Variants in FHOD3 observed in about 807,000 individuals in gnomAD.
The protein encoded by FHOD3 is formin homology 2 domain containing 3, also known as FH1/FH2 domain-containing protein 3.
Under a neutral mutation model 173.0 loss-of-function variants are expected in FHOD3, and 90 were observed. The observed-to-expected ratio is 0.52, with a 90% confidence interval of 0.44 to 0.62. FHOD3 has a LOEUF of 0.62. Among genes scored for constraint, FHOD3 ranks in the 20% least tolerant of loss-of-function variants. FHOD3 has a pLI of 0.00. For missense variants in FHOD3, 1,945 were observed against 2,034.7 expected, an observed-to-expected ratio of 0.96 and a Z score of 0.85; for synonymous variants, 828 against 823.0, an observed-to-expected ratio of 1.01 and a Z score of -0.10.
At chr18:36,394,742 G>A (rs2048469633) in intron 3 of FHOD3, among the ~76,000 whole-genome samples, 1 of 152,150 alleles carries the variant, frequency 6.6e-6, no homozygotes, top group African/African-American at 2.4e-5. Context: ...TCTCTAGGAA[G>A]CCCAGTTTGT....
chr18:36,659,545 G>A (rs2036639306), intron 14 of FHOD3, among the ~76,000 whole-genome samples: 1 of 152,186 alleles, frequency 6.6e-6, no homozygotes, highest in Admixed American at 6.5e-5. Flanking sequence ...ATACGACGTT[G>A]CACATCTTGC....
At chr18:36,702,788 G>A (rs2039658643) in intron 17 of FHOD3, among the ~76,000 whole-genome samples, 1 of 152,242 alleles carries the variant, frequency 6.6e-6, no homozygotes, top group Non-Finnish European at 1.5e-5. Flanking sequence ...AAGCAACATT[G>A]AAACATTCCT....
chr18:36,582,955 C>G (rs1173974972), intron 6 of FHOD3, among the ~76,000 whole-genome samples: 2 of 152,132 alleles, frequency 1.3e-5, no homozygotes. Context: ...CATTTTTCCC[C>G]CATTGATTGT....
intron 3 of FHOD3, among the ~76,000 whole-genome samples, chr18:36,445,963 T>G (rs1490453414): frequency 6.6e-6 from 1 of 152,214 alleles, no homozygotes; most frequent in Non-Finnish European, 1.5e-5. Context: ...CTCCAGGGTT[T>G]TTTGTTGCAT....
chr18:36,462,023 T>C (rs1319415492), intron 3 of FHOD3, among the ~76,000 whole-genome samples: 2 of 152,208 alleles, frequency 1.3e-5, no homozygotes, highest in Admixed American at 1.3e-4. Flanking sequence ...TAGAATAATA[T>C]GCAAAAGTGA....
chr18:36,688,911 T>G (rs962558592), intron 16 of FHOD3, among the ~76,000 whole-genome samples: 1 of 152,148 alleles, frequency 6.6e-6, no homozygotes, highest in African/African-American at 2.4e-5. Flanking sequence ...TAAGAGGAGG[T>G]TGCTGCTTCT....
intron 4 of FHOD3, among the ~76,000 whole-genome samples, chr18:36,503,374 A>G (rs2055138969): frequency 6.6e-6 from 1 of 152,188 alleles, no homozygotes; most frequent in African/African-American, 2.4e-5. Flanking sequence ...TGTCAGCGAT[A>G]GTTGTCAGTG....
At chr18:36,685,068 G>A (rs962111523) in intron 15 of FHOD3, among the ~76,000 whole-genome samples, 7 of 152,178 alleles carry the variant, frequency 4.6e-5, no homozygotes, top group African/African-American at 1.7e-4. Context: ...ACCTCTTAAA[G>A]TGCTAGACTT....
chr18:36,655,553 A>G (rs1388671943), intron 13 of FHOD3, among the ~76,000 whole-genome samples: 2 of 152,166 alleles, frequency 1.3e-5, no homozygotes, highest in African/African-American at 4.8e-5. Context: ...AAGTTTGTAA[A>G]CTTTTAAAAT....
chr18:36,437,939 G>A (rs555735756), intron 3 of FHOD3, among the ~76,000 whole-genome samples: 33 of 152,124 alleles, frequency 2.2e-4, no homozygotes, highest in Non-Finnish European at 3.8e-4. Context: ...TGGGATTACA[G>A]GCATGAGCCA....
chr18:36,629,914 G>A (rs1256470452), intron 10 of FHOD3, among the ~76,000 whole-genome samples: 3 of 152,092 alleles, frequency 2.0e-5, no homozygotes, highest in Non-Finnish European at 2.9e-5. Flanking sequence ...TTATAACTGG[G>A]ACGGGGTGGT....
chr18:36,605,547 T>C (rs1430229749), intron 8 of FHOD3, among the ~76,000 whole-genome samples: 1 of 152,212 alleles, frequency 6.6e-6, no homozygotes, highest in Non-Finnish European at 1.5e-5. Flanking sequence ...CCTTAACTCA[T>C]TTATGCCTAG....
intron 17 of FHOD3, 116 bp from the exon 18 acceptor site, chr18:36,708,979 G>T: frequency 7.9e-7 from 1 of 1,271,110 alleles, no homozygotes; most frequent in Non-Finnish European, 1.1e-6. Context: ...GTCTCTTGGG[G>T]GCCATCTTTG....
chr18:36,513,980 A>T (rs1041475896), intron 5 of FHOD3, among the ~76,000 whole-genome samples: 3 of 147,276 alleles, frequency 2.0e-5, no homozygotes, highest in Non-Finnish European at 4.5e-5. Flanking sequence ...TTGTCAGGAG[A>T]GATGCTTTAT....
At position 36,477,536 on chromosome 18, in the gene FHOD3, CACCCACCCACCT is replaced by C. The variant is rs1342383581; in HGVS notation, c.338-24392_338-24381del. Among the ~76,000 whole-genome samples the C allele has an allele frequency of 7.9e-3, 525 of 66,622 alleles. 4 individuals are homozygous for C. The highest frequency in any genetic ancestry group is 0.059 in the East Asian group (75 of 1,272). 43.7% of individuals were successfully genotyped at this position (66,622 alleles called of 152,430 possible). On this transcript the variant is annotated intron_variant, in intron 3 of 28. Coordinates refer to ENST00000590592, the MANE Select transcript of FHOD3 (RefSeq NM_001281740.3). ...CCATCCATCCATCCATCCACCCACC[CACCCACCCACCT>C]ACCTACCTACCTACCTACCTACCTA...
At chr18:36,746,223 A>T (rs1223808176) in intron 23 of FHOD3, among the ~76,000 whole-genome samples, 1 of 152,092 alleles carries the variant, frequency 6.6e-6, no homozygotes, top group African/African-American at 2.4e-5. Flanking sequence ...TGCATGTGTG[A>T]TGTGCATCTG....
intron 3 of FHOD3, among the ~76,000 whole-genome samples, chr18:36,489,918 C>T (rs547462847): frequency 5.1e-4 from 77 of 152,226 alleles, no homozygotes; most frequent in African/African-American, 1.7e-3. Context: ...AGAGACAGCC[C>T]TGAGATAGAG....
chr18:36,656,703 A>G (rs1253943226), intron 13 of FHOD3, among the ~76,000 whole-genome samples: 1 of 152,154 alleles, frequency 6.6e-6, no homozygotes, highest in Middle Eastern at 3.2e-3. Context: ...CAAACTGTGT[A>G]TATTATATCC....
chr18:36,755,033 C>T (rs930927727), intron 24 of FHOD3, 86 bp from the exon 25 acceptor site: 1 of 461,114 alleles, frequency 2.2e-6, no homozygotes, highest in Non-Finnish European at 3.6e-6. Flanking sequence ...TAAGTTCTCA[C>T]ATTGGTTTCT....
Sources: allele counts gnomAD v4.1 joint callset (sites outside exome capture counted in the v4.1 genomes callset), GRCh38; gene constraint gnomAD v4.1.1; transcripts MANE v1.5; gene names NCBI Gene and HGNC (gene_info 2026-07-23, HGNC 2026-07-21).